Variants in GALNT5 observed in about 807,000 individuals in gnomAD.
The protein encoded by GALNT5 is UDP-GalNAc:polypeptide N-acetylgalactosaminyltransferase 5.
A neutral mutation model predicts 85.4 loss-of-function variants in GALNT5; 72 were observed. The ratio of observed to expected loss-of-function variants is 0.84; its 90% CI spans 0.70 to 1.03. The LOEUF is 1.03. Among genes scored for constraint, GALNT5 ranks in the 50% least tolerant of loss-of-function variants. GALNT5 has a pLI of 0.00. For synonymous variants in GALNT5, 404 were observed against 397.0 expected (o/e 1.02, Z -0.21); for missense variants, 1,137 against 1,135.5 (o/e 1.00, Z -0.02).
At chr2:157,286,157 G>A (rs1277278235) in intron 3 of GALNT5, 23 bp downstream of exon 3, 8 of 1,595,394 alleles carry the variant, frequency 5.0e-6, no homozygotes, top group African/African-American at 4.1e-5. Context: ...TCATTTTTTT[G>A]TTTGTTACAT....
chr2:157,297,356 C>A (rs1402717818), intron 5 of GALNT5, among the ~76,000 whole-genome samples: 1 of 152,148 alleles, frequency 6.6e-6, no homozygotes, highest in Non-Finnish European at 1.5e-5. Flanking sequence ...GCACTCTGTG[C>A]CAGGCACCTA....
At chr2:157,280,356 A>G (rs1187813113) in intron 1 of GALNT5, among the ~76,000 whole-genome samples, 2 of 152,202 alleles carry the variant, frequency 1.3e-5, no homozygotes, top group Non-Finnish European at 2.9e-5. Context: ...TCACCCAGAG[A>G]GACACAGAGG....
intron 3 of GALNT5, among the ~76,000 whole-genome samples, chr2:157,291,966 C>T (rs555435373): frequency 1.3e-5 from 2 of 152,112 alleles, no homozygotes; most frequent in Admixed American, 1.3e-4. Context: ...GATCACTACA[C>T]ACTTTATGTA....
chr2:157,272,338 A>G (rs1682607570), intron 1 of GALNT5, among the ~76,000 whole-genome samples: 1 of 152,196 alleles, frequency 6.6e-6, no homozygotes, highest in South Asian at 2.1e-4. Context: ...TGTCCACAAA[A>G]TACTATCCTT....
In GALNT5 at chr2:157,315,021, T is replaced by G. The variant is rs1286170368; in HGVS notation, c.*3673T>G. Among the ~76,000 whole-genome samples, 1 of 152,024 alleles carries G rather than the reference T, an allele frequency of 6.6e-6. No individual in the cohort carries two copies. Among genetic ancestry groups the G allele is most frequent in the Non-Finnish European group, 1.5e-5 (1 of 68,010 alleles). On this transcript the variant is annotated 3_prime_UTR_variant, in exon 10 of 10. Coordinates refer to ENST00000259056, the MANE Select transcript of GALNT5 (RefSeq NM_014568.3). ...TGTACCCGGGAGGTGGAGGTTGCAG[T>G]GAGCTGAAATTGCGCCACTGCACTC...
At chr2:157,287,566 G>A (rs955456606) in intron 3 of GALNT5, among the ~76,000 whole-genome samples, 2 of 152,052 alleles carry the variant, frequency 1.3e-5, no homozygotes, top group African/African-American at 4.8e-5. Flanking sequence ...GTGCCCTTTT[G>A]ACCTGACCCA....
intron 1 of GALNT5, among the ~76,000 whole-genome samples, chr2:157,276,756 C>A (rs1261303964): frequency 6.6e-6 from 1 of 151,932 alleles, no homozygotes; most frequent in East Asian, 1.9e-4. Context: ...TTTTGTTGAT[C>A]TTTTCAAAAA....
At position 157,259,489 on chromosome 2, in the gene GALNT5, C is replaced by T. The variant is rs201925100; in HGVS notation, c.1407C>T (p.Ser469=). The change falls in exon 1 of 10, where the codon AGC becomes AGT. Residue 469 remains serine, a synonymous_variant. Coordinates refer to ENST00000259056, the MANE Select transcript of GALNT5 (RefSeq NM_014568.3). ...WKEGNFNVYL[S]DLIPVDRAIE... ...AAGGAAACTTCAATGTCTACCTTAG[C>T]GATTTGATCCCAGTGGATAGAGCCA... 21 of 1,432,408 alleles carry T rather than the reference C, an allele frequency of 1.5e-5. No homozygotes were observed. The highest frequency in any genetic ancestry group is 1.8e-5 in the Non-Finnish European group (20 of 1,087,484). 88.7% of individuals were successfully genotyped at this position (1,432,408 alleles called of 1,614,324 possible).
In GALNT5 at chr2:157,318,042, GT is replaced by G. The variant is rs1033840440; in HGVS notation, c.*6700del. Reference sequence around the variant, plus strand: ...TGACATTGCATTTTACAATCCTATTGTTTTTTAGAGTGATGAAAGTTCAAGT... The same window carrying G: ...TGACATTGCATTTTACAATCCTATTGTTTTTAGAGTGATGAAAGTTCAAGT... On this transcript the variant is annotated 3_prime_UTR_variant, in exon 10 of 10. Transcript: ENST00000259056. 1.3e-5 allele frequency among the ~76,000 whole-genome samples: 2 copies of G among 152,144 alleles called. No individual in the cohort carries two copies. The highest frequency in any genetic ancestry group is 4.8e-5 in the African/African-American group (2 of 41,522).
intron 1 of GALNT5, among the ~76,000 whole-genome samples, chr2:157,281,270 G>A (rs1335942274): frequency 2.0e-5 from 3 of 152,106 alleles, no homozygotes; most frequent in Non-Finnish European, 2.9e-5. Flanking sequence ...TCACCATGTT[G>A]GCCAGGCTGG....
At chr2:157,294,696 G>A (rs139126692) in intron 3 of GALNT5, among the ~76,000 whole-genome samples, 5 of 152,028 alleles carry the variant, frequency 3.3e-5, no homozygotes, top group Admixed American at 6.6e-5. Context: ...TATTACCTGT[G>A]GTTGGGCCTG....
intron 3 of GALNT5, among the ~76,000 whole-genome samples, chr2:157,290,866 A>C (rs1683084121): frequency 6.6e-6 from 1 of 152,108 alleles, no homozygotes; most frequent in Admixed American, 6.5e-5. Context: ...CAAAATAATA[A>C]GGGGCCAAGC....
In GALNT5 at chr2:157,286,162, T is replaced by C. The variant is rs200519713; in HGVS notation, c.1741+28T>C. 465 of 1,586,084 alleles carry C rather than the reference T, an allele frequency of 2.9e-4. 1 individual carries two copies. In the African/African-American group the frequency reaches 5.3e-3, roughly 18 times the overall value. ...AAGAAGTTACTCATTTTTTTGTTTGTTACATTTTTATTTTAATTTAAAATG... is the reference window on the plus strand; with the variant it reads ...AAGAAGTTACTCATTTTTTTGTTTGCTACATTTTTATTTTAATTTAAAATG... On this transcript the variant is annotated intron_variant, in intron 3 of 9. Coordinates refer to ENST00000259056, the MANE Select transcript of GALNT5 (RefSeq NM_014568.3).
chr2:157,296,852 A>T (rs1683222802), intron 5 of GALNT5, among the ~76,000 whole-genome samples: 1 of 152,234 alleles, frequency 6.6e-6, no homozygotes, highest in African/African-American at 2.4e-5. Context: ...ATAAGTGCAA[A>T]TTAAAAGTAA....
rs964984072 is a variant in GALNT5, at chr2:157,315,612, G to A, written c.*4264G>A. Among the ~76,000 whole-genome samples the A allele has an allele frequency of 1.3e-5, 2 of 152,092 alleles. No individual in the cohort carries two copies. ...TCTGTGGTAACCAATTGATGTGTAG[G>A]TATAAACATGGCTACCCCCACATGT... On this transcript the variant is annotated 3_prime_UTR_variant, in exon 10 of 10. Coordinates refer to ENST00000259056, the MANE Select transcript of GALNT5 (RefSeq NM_014568.3).
intron 7 of GALNT5, 70 bp from the exon 8 acceptor site, chr2:157,305,679 T>A: frequency 1.1e-6 from 1 of 870,402 alleles, no homozygotes; most frequent in Non-Finnish European, 1.9e-6. Flanking sequence ...CTGTATTTTC[T>A]AAATGTGTCT....
intron 1 of GALNT5, among the ~76,000 whole-genome samples, chr2:157,270,814 T>G (rs539040280): frequency 1.3e-5 from 2 of 152,148 alleles, no homozygotes; most frequent in Non-Finnish European, 2.9e-5. Context: ...AATAAAAGAA[T>G]AGTTAATTTT....
At chr2:157,274,614 G>A (rs944165399) in intron 1 of GALNT5, among the ~76,000 whole-genome samples, 3 of 152,196 alleles carry the variant, frequency 2.0e-5, no homozygotes, top group Non-Finnish European at 4.4e-5. Context: ...TCTGTTGGCT[G>A]CATAAATGTC....
chr2:157,295,100 G>A (rs6437049), intron 3 of GALNT5, among the ~76,000 whole-genome samples: 123,742 of 151,560 alleles, frequency 0.82, 51,823 homozygotes, highest in South Asian at 0.92. Context: ...CAGTCTCCAC[G>A]ACTCTTTTTA....
Sources: allele counts gnomAD v4.1 joint callset (sites outside exome capture counted in the v4.1 genomes callset), GRCh38; gene constraint gnomAD v4.1.1; transcripts MANE v1.5; gene names NCBI Gene and HGNC (gene_info 2026-07-23, HGNC 2026-07-21).